The following TMEM181 variants were observed in gnomAD, a reference collection of about 807,000 sequenced individuals.
The protein encoded by TMEM181 is transmembrane protein 181.
A neutral mutation model predicts 71.9 loss-of-function variants in TMEM181; 39 were observed. The ratio of observed to expected loss-of-function variants is 0.54; its 90% CI spans 0.42 to 0.71. The LOEUF is 0.71. Among genes scored for constraint, TMEM181 ranks in the 30% least tolerant of loss-of-function variants. The pLI is 0.00. For missense variants in TMEM181, 595 were observed against 583.0 expected (o/e 1.02, Z -0.21); for synonymous variants, 245 against 228.8 (o/e 1.07, Z -0.64).
At position 158,612,334 on chromosome 6, in the gene TMEM181, G is replaced by A. The variant is rs1352637873; in HGVS notation, c.896+3584G>A. On this transcript the variant is annotated intron_variant, in intron 10 of 16. Transcript: ENST00000684151. ...CCCTATAGTTATAAAAGGACCAGGG[G>A]CGACGTGTTCTTTCTGGTTACTTCC... Among the ~76,000 whole-genome samples the A allele has an allele frequency of 2.6e-5, 4 of 152,304 alleles. No individual in the cohort carries two copies. In the South Asian group the frequency reaches 8.3e-4, roughly 32 times the overall value.
intron 1 of TMEM181, among the ~76,000 whole-genome samples, chr6:158,537,630 A>G (rs1368655274): frequency 6.6e-6 from 1 of 152,058 alleles, no homozygotes; most frequent in East Asian, 1.9e-4. Flanking sequence ...TCGGGACAGG[A>G]CCCTATCGCG....
At chr6:158,630,047 A>G (rs940543840) in intron 15 of TMEM181, among the ~76,000 whole-genome samples, 1 of 152,200 alleles carries the variant, frequency 6.6e-6, no homozygotes, top group Non-Finnish European at 1.5e-5. Flanking sequence ...CACTCATTTT[A>G]TTAGTGTCAG....
At chr6:158,561,579 G>A (rs186339943) in intron 1 of TMEM181, among the ~76,000 whole-genome samples, 1 of 152,312 alleles carries the variant, frequency 6.6e-6, no homozygotes, top group East Asian at 1.9e-4. Context: ...AGAGAGGCCG[G>A]GGACGTGAGG....
chr6:158,580,182 T>G (rs986289336), intron 2 of TMEM181, among the ~76,000 whole-genome samples: 1 of 152,012 alleles, frequency 6.6e-6, no homozygotes, highest in Non-Finnish European at 1.5e-5. Flanking sequence ...AATAAAAAAT[T>G]AGCCGGGCGT....
At chr6:158,572,499 C>T (rs1228853924) in intron 1 of TMEM181, 28 of 456,338 alleles carry the variant, frequency 6.1e-5, no homozygotes, top group East Asian at 4.2e-4. Context: ...GGGCACAGGG[C>T]GGGGGCCGGC....
Position 158,633,764 on chromosome 6 carries a change from G to T in TMEM181, c.*1876G>T, listed in dbSNP as rs1179777581. ...ATGTTTAAGACAACTTACTGCAAGG[G>T]TAATTCAAGTTTACATGATTTTTAA... is the stretch of plus-strand genomic sequence containing the variant. On this transcript the variant is annotated 3_prime_UTR_variant, in exon 17 of 17. Transcript: ENST00000684151. 1.3e-5 allele frequency: 2 copies of T among 152,026 alleles called. No individual in the cohort carries two copies. Among genetic ancestry groups the T allele is most frequent in the Non-Finnish European group, 2.9e-5 (2 of 67,994 alleles). The allele number at this position is 152,026 out of a possible 1,614,324, so 9.4% of individuals were successfully genotyped here.
intron 6 of TMEM181, among the ~76,000 whole-genome samples, chr6:158,599,051 G>A (rs989900301): frequency 6.6e-6 from 1 of 152,168 alleles, no homozygotes; most frequent in African/African-American, 2.4e-5. Flanking sequence ...TGCACAGGTC[G>A]CTGTGACACG....
intron 14 of TMEM181, 104 bp downstream of exon 14, chr6:158,628,594 C>T (rs1314308583): frequency 1.5e-5 from 15 of 982,926 alleles, no homozygotes; most frequent in Non-Finnish European, 2.2e-5. Flanking sequence ...GTCAGCTCCT[C>T]GCGCCCTGTT....
At chr6:158,628,600 C>T in intron 14 of TMEM181, 110 bp downstream of exon 14, 1 of 927,996 alleles carries the variant, frequency 1.1e-6, no homozygotes, top group South Asian at 1.5e-5. Context: ...TCCTCGCGCC[C>T]TGTTCTCCGG....
At chr6:158,556,513 G>A (rs1410666267), upstream of TMEM181, among the ~76,000 whole-genome samples, 2 of 152,188 alleles carry the variant, frequency 1.3e-5, no homozygotes, top group Admixed American at 6.5e-5. Flanking sequence ...GGTTTTTAAA[G>A]GAACAATGGG....
rs34507190 is a variant in TMEM181 at position 158,579,265 on chromosome 6, T to TAA, written c.113-1663_113-1662dup. 4.3e-3 allele frequency among the ~76,000 whole-genome samples: 591 copies of TAA among 138,454 alleles called. 3 individuals are homozygous for TAA. Among genetic ancestry groups the TAA allele is most frequent in the African/African-American group, 0.014 (518 of 37,672 alleles). The allele number at this position is 138,454 out of a possible 152,430, so 90.8% of individuals were successfully genotyped here. On this transcript the variant is annotated intron_variant, in intron 2 of 16. Coordinates refer to ENST00000684151, the MANE Select transcript of TMEM181 (RefSeq NM_001376852.1). The stretch of plus-strand genomic sequence containing the variant: ...CAACAATGAAACTCCGTCTCAAAAT[T>TAA]AAAAAAAAAAAAAGCAGGGTCTTGA...
intron 1 of TMEM181, among the ~76,000 whole-genome samples, chr6:158,565,320 T>C (rs1468686778): frequency 1.3e-5 from 2 of 152,184 alleles, no homozygotes; most frequent in African/African-American, 4.8e-5. Context: ...AGGCACTTAG[T>C]GGGCAAAGTT....
chr6:158,574,840 G>A (rs530407234), intron 2 of TMEM181, among the ~76,000 whole-genome samples: 3 of 152,282 alleles, frequency 2.0e-5, no homozygotes, highest in Admixed American at 6.5e-5. Context: ...AAGTCCAAAG[G>A]TCTGCAGTCA....
At chr6:158,536,758 T>C in exon 1 of TMEM181, 1 of 1,577,574 alleles carries the variant, frequency 6.3e-7, no homozygotes. Context: ...ACCCTGCCTT[T>C]GAGCCCCCGC....
upstream of TMEM181, among the ~76,000 whole-genome samples, chr6:158,556,138 A>G (rs1180133679): frequency 1.3e-5 from 2 of 152,236 alleles, no homozygotes; most frequent in African/African-American, 4.8e-5. Flanking sequence ...AAAGTCTTTT[A>G]TCATCCCAGT....
intron 1 of TMEM181, among the ~76,000 whole-genome samples, chr6:158,554,526 GTTTCAT>G (rs1781818831): frequency 1.3e-5 from 2 of 152,124 alleles, no homozygotes; most frequent in Admixed American, 1.3e-4. Context: ...GGCCAATGCT[GTTTCAT>G]TTTAACATTG....
At chr6:158,578,575 G>T (rs1783293078) in intron 2 of TMEM181, among the ~76,000 whole-genome samples, 1 of 152,132 alleles carries the variant, frequency 6.6e-6, no homozygotes, top group Non-Finnish European at 1.5e-5. Context: ...GAAAGAGGCG[G>T]GGATGGAGCT....
chr6:158,560,387 G>A (rs1782087987), intron 1 of TMEM181, among the ~76,000 whole-genome samples, 155 bp downstream of exon 1: 1 of 152,070 alleles, frequency 6.6e-6, no homozygotes, highest in Admixed American at 6.5e-5. Flanking sequence ...CTTCGCGGGC[G>A]GGTCAGGCGG....
At chr6:158,551,985 G>A (rs544591171) in intron 1 of TMEM181, among the ~76,000 whole-genome samples, 1 of 152,248 alleles carries the variant, frequency 6.6e-6, no homozygotes, top group Admixed American at 6.5e-5. Flanking sequence ...ATCCTGGGGA[G>A]GCCTGCCAAA....
Sources: allele counts gnomAD v4.1 joint callset (sites outside exome capture counted in the v4.1 genomes callset), GRCh38; gene constraint gnomAD v4.1.1; transcripts MANE v1.5; gene names NCBI Gene and HGNC (gene_info 2026-07-23, HGNC 2026-07-21).